The following ZC3H12B variants were observed in gnomAD, a reference collection of about 807,000 sequenced individuals.
ZC3H12B encodes probable ribonuclease ZC3H12B.
ZC3H12B carries 7 observed loss-of-function variants against 43.9 expected under a neutral mutation model. The observed-to-expected ratio is 0.16, with a 90% CI of 0.09 to 0.30. ZC3H12B has a LOEUF of 0.30. Ranked by LOEUF, ZC3H12B falls within the 10% of genes least tolerant of loss-of-function variation. The probability of loss-of-function intolerance (pLI) is 1.00; values close to 1 mark genes in which losing one functional copy is unlikely to be tolerated. For synonymous variants in ZC3H12B, 222 were observed against 241.7 expected (o/e 0.92, Z 0.76); for missense variants, 475 against 670.2 (o/e 0.71, Z 3.22).
chrX:65,126,897 C>G, the ZC3H12B span, among the ~76,000 whole-genome samples: 1 of 108,707 alleles, frequency 9.2e-6, no homozygotes, highest in Non-Finnish European at 1.9e-5. Flanking sequence ...GAAGAATTTT[C>G]CTTTTATATT....
chrX:65,248,873 A>G, the ZC3H12B span, among the ~76,000 whole-genome samples: 3 of 111,668 alleles, frequency 2.7e-5, no homozygotes, highest in South Asian at 3.7e-4. Flanking sequence ...TCATTTGTAT[A>G]TATTCTTTTG....
chrX:65,288,298 C>T, the ZC3H12B span, among the ~76,000 whole-genome samples: 3 of 110,959 alleles, frequency 2.7e-5, no homozygotes, highest in Non-Finnish European at 5.7e-5. Flanking sequence ...CTCCATAACT[C>T]ATTCAATAAG....
At chrX:65,215,946 G>T in the ZC3H12B span, among the ~76,000 whole-genome samples, 1 of 111,339 alleles carries the variant, frequency 9.0e-6, no homozygotes, top group African/African-American at 3.3e-5. Context: ...GAGAGATGTG[G>T]AAGTGGCAGG....
At chrX:65,374,737 C>T (rs973399438) in intron 2 of ZC3H12B, among the ~76,000 whole-genome samples, 1 of 110,742 alleles carries the variant, frequency 9.0e-6, no homozygotes, top group East Asian at 2.8e-4. Context: ...CTGCAGGGCT[C>T]GGGAGGTCAC....
intron 3 of ZC3H12B, among the ~76,000 whole-genome samples, chrX:65,440,772 C>T (rs1018802293): frequency 8.9e-6 from 1 of 112,201 alleles, no homozygotes; most frequent in African/African-American, 3.2e-5. Context: ...AGTCAGTTAA[C>T]ATTCTTCATT....
At chrX:65,091,570 T>A in the ZC3H12B span, among the ~76,000 whole-genome samples, 8 of 112,281 alleles carry the variant, frequency 7.1e-5, no homozygotes, top group African/African-American at 2.3e-4. Context: ...TTTTTAGATG[T>A]TGAGTACTAG....
chrX:65,264,753 A>T, the ZC3H12B span, among the ~76,000 whole-genome samples: 1 of 111,669 alleles, frequency 9.0e-6, no homozygotes, highest in Non-Finnish European at 1.9e-5. Context: ...TCTTGTGCCC[A>T]CATTTTCTAA....
the ZC3H12B span, among the ~76,000 whole-genome samples, chrX:65,113,840 A>G: frequency 9.4e-6 from 1 of 106,744 alleles, no homozygotes; most frequent in Non-Finnish European, 1.9e-5. Context: ...ACATAATGCT[A>G]TTGCACACTT....
chrX:65,296,034 A>G, the ZC3H12B span, among the ~76,000 whole-genome samples: 1 of 112,338 alleles, frequency 8.9e-6, no homozygotes, highest in South Asian at 3.6e-4. Flanking sequence ...AAAAAAAGTC[A>G]TTATACGAAA....
chrX:65,286,423 G>A, the ZC3H12B span, among the ~76,000 whole-genome samples: 3 of 111,445 alleles, frequency 2.7e-5, no homozygotes, highest in Non-Finnish European at 5.7e-5. Flanking sequence ...GGAGCTTGGA[G>A]GGAAGGAAGG....
chrX:65,083,194 T>C, the ZC3H12B span, among the ~76,000 whole-genome samples: 6 of 110,970 alleles, frequency 5.4e-5, no homozygotes, highest in Non-Finnish European at 7.6e-5. Flanking sequence ...TCCTCTAGAC[T>C]CGGGAATGCA....
intron 2 of ZC3H12B, among the ~76,000 whole-genome samples, chrX:65,375,407 A>C (rs2066332424): frequency 8.9e-6 from 1 of 112,194 alleles, no homozygotes; most frequent in Non-Finnish European, 1.9e-5. Context: ...GTGCTATGCT[A>C]AGCAAAGAGC....
the ZC3H12B span, among the ~76,000 whole-genome samples, chrX:65,143,901 G>T: frequency 1.8e-4 from 20 of 110,484 alleles, no homozygotes; most frequent in South Asian, 3.8e-4. Context: ...TTTTGGATTT[G>T]GTTAGCTAGT....
the ZC3H12B span, among the ~76,000 whole-genome samples, chrX:65,236,248 G>C: frequency 9.0e-6 from 1 of 111,624 alleles, no homozygotes; most frequent in African/African-American, 3.3e-5. Context: ...TTTCACGAGG[G>C]ACCTGTTCCT....
the ZC3H12B span, among the ~76,000 whole-genome samples, chrX:65,301,943 C>T: frequency 4.5e-5 from 5 of 110,842 alleles, no homozygotes; most frequent in Admixed American, 9.6e-5. Context: ...TAGCTTTAAA[C>T]GATCCTTTCT....
At chrX:65,384,960 G>C (rs1265210386) in intron 2 of ZC3H12B, among the ~76,000 whole-genome samples, 1 of 112,261 alleles carries the variant, frequency 8.9e-6, no homozygotes, top group East Asian at 2.8e-4. Context: ...GATGGTTGTA[G>C]ATGTGTGGTA....
At chrX:65,408,090 C>G (rs1187363918) in intron 3 of ZC3H12B, 9 of 1,192,675 alleles carry the variant, frequency 7.5e-6, no homozygotes, top group Non-Finnish European at 1.0e-5. Context: ...GCGATGTTCC[C>G]GCAGAGCCGG....
chrX:65,163,736 G>C, the ZC3H12B span, among the ~76,000 whole-genome samples: 1 of 111,693 alleles, frequency 9.0e-6, no homozygotes, highest in East Asian at 2.8e-4. Context: ...GTGAGGCAAT[G>C]CCTCGCCCTG....
chrX:65,164,898 A>G, the ZC3H12B span, among the ~76,000 whole-genome samples: 1 of 112,161 alleles, frequency 8.9e-6, no homozygotes, highest in Non-Finnish European at 1.9e-5. Flanking sequence ...AATATTAACA[A>G]GAGTCTTATA....
Sources: allele counts gnomAD v4.1 joint callset (sites outside exome capture counted in the v4.1 genomes callset), GRCh38; gene constraint gnomAD v4.1.1; transcripts MANE v1.5; gene names NCBI Gene and HGNC (gene_info 2026-07-23, HGNC 2026-07-21).